ZNF236: variants seen among roughly 807,000 people sequenced by gnomAD.
ZNF236 encodes zinc finger protein 236.
A neutral mutation model predicts 191.2 loss-of-function variants in ZNF236; 50 were observed. The ratio of observed to expected loss-of-function variants is 0.26; its 90% CI spans 0.21 to 0.33. The LOEUF (loss-of-function observed/expected upper bound fraction) is 0.33, where lower values mean the gene tolerates loss of function less well. Ranked by LOEUF, ZNF236 falls within the 10% of genes least tolerant of loss-of-function variation. The pLI, the probability that ZNF236 is intolerant of heterozygous loss-of-function variation, is 1.00. For missense variants in ZNF236, 1,754 were observed against 2,374.5 expected (o/e 0.74, Z 5.43); for synonymous variants, 907 against 928.8 (o/e 0.98, Z 0.43).
intron 3 of ZNF236, among the ~76,000 whole-genome samples, chr18:76,866,298 G>A (rs544499635): frequency 3.0e-4 from 46 of 152,198 alleles, no homozygotes; most frequent in Admixed American, 2.0e-3. Context: ...GAAGAGCAGC[G>A]TTTTGTGGGG....
chr18:76,865,017 T>C (rs1236432822), intron 3 of ZNF236, among the ~76,000 whole-genome samples: 1 of 152,112 alleles, frequency 6.6e-6, no homozygotes, highest in Non-Finnish European at 1.5e-5. Flanking sequence ...TACCAATAAT[T>C]ACTTTAAATG....
At chr18:76,955,817 T>C (rs1201564346) in intron 27 of ZNF236, among the ~76,000 whole-genome samples, 168 bp from the exon 28 acceptor site, 2 of 152,214 alleles carry the variant, frequency 1.3e-5, no homozygotes, top group African/African-American at 4.8e-5. Flanking sequence ...GGTCTCATAT[T>C]GTGTGGAAGG....
chr18:76,846,664 A>T (rs1341039006), intron 1 of ZNF236, among the ~76,000 whole-genome samples: 1 of 152,072 alleles, frequency 6.6e-6, no homozygotes, highest in African/African-American at 2.4e-5. Flanking sequence ...ATTCTGTGTT[A>T]TATCACTGTT....
intron 2 of ZNF236, among the ~76,000 whole-genome samples, chr18:76,851,232 CCATGTCATGCAAACA>C (rs1183794876): frequency 1.3e-5 from 2 of 150,644 alleles, no homozygotes; most frequent in African/African-American, 4.9e-5. Flanking sequence ...CAACACAAAC[CCATGTCATGCAAACA>C]CATGGAGAAA....
At chr18:76,832,442 AT>A (rs5826481) in intron 1 of ZNF236, among the ~76,000 whole-genome samples, 2,666 of 140,150 alleles carry the variant, frequency 0.019, 51 homozygotes, top group African/African-American at 0.05. Flanking sequence ...AAAGGTCAGG[AT>A]TTTTTTTTTT....
At position 76,849,217 on chromosome 18, in the gene ZNF236, T is replaced by C. The variant is rs555690538; in HGVS notation, c.56-309T>C. On this transcript the variant is annotated intron_variant, in intron 1 of 30. Coordinates refer to ENST00000320610, the MANE Select transcript of ZNF236 (RefSeq NM_001306089.2). Reference sequence around the variant, plus strand: ...GTAGGTTCACATGGTTTAAGAAGCATCATTATGGCTTTTGTGTGTTTTGGT... The same window carrying C: ...GTAGGTTCACATGGTTTAAGAAGCACCATTATGGCTTTTGTGTGTTTTGGT... The C allele has an allele frequency of 4.3e-3, 1,057 of 245,910 alleles. 16 individuals are homozygous for C. Among genetic ancestry groups the C allele is most frequent in the South Asian group, 0.025 (310 of 12,382 alleles). 15.2% of individuals were successfully genotyped at this position (245,910 alleles called of 1,614,324 possible).
chr18:76,825,284 A>C (rs1395002663), intron 1 of ZNF236, among the ~76,000 whole-genome samples: 1 of 152,244 alleles, frequency 6.6e-6, no homozygotes, highest in African/African-American at 2.4e-5. Context: ...GTGGTTCTCA[A>C]ACTGTGGTTC....
rs144302345 is a variant in ZNF236 at position 76,925,596 on chromosome 18, A to T, written c.4027+42A>T. ...GGGAATGAGAGCAGCACAGTGATTG[A>T]ACTGTTCTGTGCTGCTTCTGTCTGT... On this transcript the variant is annotated intron_variant, in intron 22 of 30. Coordinates refer to ENST00000320610, the MANE Select transcript of ZNF236 (RefSeq NM_001306089.2). This position sits in a 1 kb window ranked among gnomAD's most constrained non-coding sequence, Gnocchi z 5.7. 9.5e-5 allele frequency: 151 copies of T among 1,593,360 alleles called. No homozygotes were observed. The African/African-American group carries it at 1.9e-3, about 20-fold the overall frequency.
chr18:76,949,480 A>G (rs949484196), intron 27 of ZNF236, among the ~76,000 whole-genome samples: 1 of 152,152 alleles, frequency 6.6e-6, no homozygotes, highest in Non-Finnish European at 1.5e-5. Context: ...GTAGATAACC[A>G]ATCTGTATGA....
Position 76,913,759 on chromosome 18 carries a change from C to T in ZNF236, c.2922C>T (p.Cys974=). The T allele has an allele frequency of 6.2e-7, 1 of 1,614,094 alleles. No homozygotes were observed. ...QSRRSYRCDY[C]NKGFKKSSHL... Reference sequence around the variant, plus strand: ...GTTTGCTTTGTAGGTGTGACTATTGCAACAAAGGCTTTAAGAAGTCCAGCC... The same window carrying T: ...GTTTGCTTTGTAGGTGTGACTATTGTAACAAAGGCTTTAAGAAGTCCAGCC... The change falls in exon 18 of 31, where the codon TGC becomes TGT. Residue 974 remains cysteine (C), a synonymous_variant. Coordinates refer to ENST00000320610, the MANE Select transcript of ZNF236 (RefSeq NM_001306089.2).
At chr18:76,839,553 G>T (rs1056635567) in intron 1 of ZNF236, among the ~76,000 whole-genome samples, 1 of 152,170 alleles carries the variant, frequency 6.6e-6, no homozygotes, top group Non-Finnish European at 1.5e-5. Context: ...CAGGCTGAGA[G>T]AGTTTATTTG....
Position 76,880,258 on chromosome 18 carries a change from C to T in ZNF236, c.1130C>T (p.Ser377Phe), listed in dbSNP as rs758456517. Residue 377 changes from serine (S) to phenylalanine (F), a missense_variant, in exon 8 of 31, where the codon TCC (serine) becomes TTC (phenylalanine). Around this residue, in one of 5 missense-constraint regions of ZNF236, gnomAD observed 336 missense variants for 495.1 expected, o/e 0.68. Transcript: ENST00000320610. This position sits in a 1 kb window ranked among gnomAD's most constrained non-coding sequence, Gnocchi z 5.0. Reference protein sequence around the residue: ...SEPAPVESGQSPQPGQQLSIT... With the variant: ...SEPAPVESGQFPQPGQQLSIT... ...CCGGCGCCGGTGGAGTCGGGGCAGT[C>T]CCCGCAGCCTGGGCAGCAGCTGAGC... is the stretch of plus-strand genomic sequence containing the variant. The T allele has an allele frequency of 3.1e-6, 5 of 1,613,992 alleles. No individual in the cohort carries two copies. The highest frequency in any genetic ancestry group is 1.7e-4 in the Middle Eastern group (1 of 6,060).
chr18:76,873,973 G>T (rs553843263), intron 5 of ZNF236, among the ~76,000 whole-genome samples: 1 of 76,164 alleles, frequency 1.3e-5, no homozygotes, highest in Admixed American at 1.6e-4. Context: ...CTCTCCTGTC[G>T]CCACACAGGC....
At chr18:76,850,291 A>G (rs1422249410) in intron 2 of ZNF236, among the ~76,000 whole-genome samples, 1 of 152,162 alleles carries the variant, frequency 6.6e-6, no homozygotes, top group Non-Finnish European at 1.5e-5. Context: ...CTGGAAAAAC[A>G]CCATGGACCT....
chr18:76,967,059 C>T (rs1030699043), intron 30 of ZNF236, among the ~76,000 whole-genome samples: 42 of 146,106 alleles, frequency 2.9e-4, no homozygotes, highest in Non-Finnish European at 4.5e-4. Context: ...TGATGTGATT[C>T]GTGAGATGTG....
Position 76,866,595 on chromosome 18 carries a change from G to A in ZNF236, c.364-2090G>A, listed in dbSNP as rs371655013. On this transcript the variant is annotated intron_variant, in intron 3 of 30. Coordinates refer to ENST00000320610, the MANE Select transcript of ZNF236 (RefSeq NM_001306089.2). ...TAGAGATGATCGTATCTTCAGCAAG[G>A]TGGAGACAGATGAAAATGCCATGCA... 8.7e-4 allele frequency among the ~76,000 whole-genome samples: 132 copies of A among 152,330 alleles called. 4 individuals carry two copies. The South Asian group carries it at 0.027, about 31-fold the overall frequency.
At chr18:76,824,434 C>T (rs367710620) in intron 1 of ZNF236, 47 of 780,952 alleles carry the variant, frequency 6.0e-5, no homozygotes, top group Non-Finnish European at 1.1e-4. Context: ...TGGATAACAG[C>T]AGTGCTCAGA....
chr18:76,956,272 ATG>A (rs1159654756), intron 28 of ZNF236, 90 bp downstream of exon 28: 60 of 1,473,152 alleles, frequency 4.1e-5, no homozygotes, highest in Non-Finnish European at 4.9e-5. Context: ...GGAATCTGGC[ATG>A]TGTTTTTGAG....
At chr18:76,857,337 A>G (rs1476538041) in intron 3 of ZNF236, among the ~76,000 whole-genome samples, 4 of 151,904 alleles carry the variant, frequency 2.6e-5, no homozygotes, top group African/African-American at 7.2e-5. Flanking sequence ...AGGGTTCCAC[A>G]TTTCTCAAGC....
Sources: allele counts gnomAD v4.1 joint callset (sites outside exome capture counted in the v4.1 genomes callset), GRCh38; gene constraint gnomAD v4.1.1; regional missense constraint gnomAD v4.1.1; non-coding constraint Gnocchi (gnomAD v3.1); transcripts MANE v1.5; gene names NCBI Gene and HGNC (gene_info 2026-07-23, HGNC 2026-07-21).